The following RICTOR variants were observed in gnomAD, a reference collection of about 807,000 sequenced individuals.
RICTOR encodes the protein rapamycin-insensitive companion of mTOR.
In RICTOR, 49 loss-of-function variants were observed where a neutral mutation model predicts 214.9. The observed-to-expected ratio is 0.23, with a 90% CI of 0.18 to 0.29. The LOEUF is 0.29. Ranked by LOEUF, RICTOR falls within the 10% of genes least tolerant of loss-of-function variation. RICTOR has a pLI of 1.00. For missense variants in RICTOR, 1,625 were observed against 2,047.0 expected (o/e 0.79, Z 3.98); for synonymous variants, 717 against 711.3 (o/e 1.01, Z -0.13).
At chr5:39,011,317 G>A (rs990319318) in intron 3 of RICTOR, among the ~76,000 whole-genome samples, 6 of 152,170 alleles carry the variant, frequency 3.9e-5, no homozygotes, top group Admixed American at 1.3e-4. Context: ...GATTTCAGAC[G>A]GTGTATGAAA....
chr5:38,990,765 G>GATATATGAT (rs1284786915), intron 7 of RICTOR, among the ~76,000 whole-genome samples, 184 bp downstream of exon 7: 2 of 18,472 alleles, frequency 1.1e-4, no homozygotes, highest in South Asian at 1.7e-3. Context: ...ATATATATGA[G>GATATATGAT]ATATATGATA....
chr5:39,043,630 G>A (rs1757309963), intron 2 of RICTOR, among the ~76,000 whole-genome samples: 1 of 152,170 alleles, frequency 6.6e-6, no homozygotes, highest in Admixed American at 6.5e-5. Flanking sequence ...TCACCACAAA[G>A]AAATGATAAA....
chr5:39,071,861 G>A (rs1759350672), intron 2 of RICTOR, among the ~76,000 whole-genome samples: 1 of 152,130 alleles, frequency 6.6e-6, no homozygotes, highest in African/African-American at 2.4e-5. Flanking sequence ...AAAATTTTTG[G>A]TTGCCCAAAC....
intron 2 of RICTOR, among the ~76,000 whole-genome samples, chr5:39,023,818 CAAAGCACTAAGTACACTACTT>C (rs1755611654): frequency 6.6e-6 from 1 of 152,176 alleles, no homozygotes; most frequent in Non-Finnish European, 1.5e-5. Context: ...AATGTGGTGT[CAAAGCACTAAGTACACTACTT>C]AGCTATTTCC....
At position 38,983,154 on chromosome 5, in the gene RICTOR, T is replaced by C. The variant is rs75414260; in HGVS notation, c.584-1118A>G. Among the ~76,000 whole-genome samples, 14 of 152,358 alleles carry C rather than the reference T, an allele frequency of 9.2e-5. No homozygotes were observed. The East Asian group carries it at 2.1e-3, about 23-fold the overall frequency. Reference sequence around the variant, plus strand: ...GCCACTGTTCTCATTTCTACCCTTATAGATTAGTTGTGTCTTCTTAAGAAC... The same window carrying C: ...GCCACTGTTCTCATTTCTACCCTTACAGATTAGTTGTGTCTTCTTAAGAAC... On this transcript the variant is annotated intron_variant, in intron 7 of 37. Transcript: ENST00000357387.
At chr5:39,041,771 T>C (rs984438090) in intron 2 of RICTOR, among the ~76,000 whole-genome samples, 2 of 151,988 alleles carry the variant, frequency 1.3e-5, no homozygotes, top group African/African-American at 4.8e-5. Context: ...TACAATGTTA[T>C]AAGTTAATTG....
intron 2 of RICTOR, among the ~76,000 whole-genome samples, chr5:39,066,794 T>C (rs1417823737): frequency 6.6e-6 from 1 of 152,358 alleles, no homozygotes; most frequent in Non-Finnish European, 1.5e-5. Context: ...ATGAACAGAA[T>C]GCAACCAAGT....
Position 38,967,155 on chromosome 5 carries a change from T to G in RICTOR, c.1218+6A>C, listed in dbSNP as rs867241921. On this transcript the variant is annotated splice_donor_region_variant and intron_variant, in intron 14 of 37. Transcript: ENST00000357387. ...AATGGAATAAAATAAGGTTTATAAG[T>G]CTTACCTCTAAAAGTCCATTACGAA... is the stretch of plus-strand genomic sequence containing the variant. 1 of 1,580,400 alleles carries G rather than the reference T, an allele frequency of 6.3e-7. No individual in the cohort carries two copies. The highest frequency in any genetic ancestry group is 1.3e-5 in the African/African-American group (1 of 74,314).
chr5:38,944,775 T>A, intron 35 of RICTOR, 138 bp downstream of exon 35: 1 of 896,778 alleles, frequency 1.1e-6, no homozygotes, highest in Non-Finnish European at 1.8e-6. Flanking sequence ...TAATTAACAG[T>A]GTTAAATTGC....
chr5:39,006,416 G>A (rs1454814359), intron 3 of RICTOR, among the ~76,000 whole-genome samples: 5 of 151,896 alleles, frequency 3.3e-5, no homozygotes, highest in East Asian at 1.9e-4. Context: ...GATTTATTGC[G>A]GCTAACTGAA....
At chr5:39,023,478 T>C (rs1329815690) in intron 2 of RICTOR, among the ~76,000 whole-genome samples, 3 of 152,210 alleles carry the variant, frequency 2.0e-5, no homozygotes, top group Non-Finnish European at 4.4e-5. Flanking sequence ...GGGCCAGATA[T>C]GGCCTTATAG....
In RICTOR at chr5:39,004,475, T is replaced by C. The variant is rs529832174; in HGVS notation, c.196-853A>G. Among the ~76,000 whole-genome samples the C allele has an allele frequency of 5.9e-5, 9 of 151,962 alleles. No individual in the cohort carries two copies. In the South Asian group the frequency reaches 1.7e-3, roughly 28 times the overall value. The stretch of plus-strand genomic sequence containing the variant: ...TTATTTCTCAAACTCTTTTTTTTTT[T>C]TTGAGACGGAGTCTCACTCTGTCAC... On this transcript the variant is annotated intron_variant, in intron 3 of 37. Coordinates refer to ENST00000357387, the MANE Select transcript of RICTOR (RefSeq NM_152756.5).
chr5:38,938,978 A>G lies in RICTOR; in HGVS notation c.*3326T>C, dbSNP rs1021461814. ...GAGACAAAAGTGGAAGCATAAGACT[A>G]AAGGAGAAAAAACCTTACTTCCAAA... On this transcript the variant is annotated 3_prime_UTR_variant, in exon 38 of 38. Coordinates refer to ENST00000357387, the MANE Select transcript of RICTOR (RefSeq NM_152756.5). The G allele has an allele frequency of 8.6e-6, 2 of 232,970 alleles. No homozygotes were observed. The highest frequency in any genetic ancestry group is 4.4e-5 in the African/African-American group (2 of 45,332). 14.4% of individuals were successfully genotyped at this position (232,970 alleles called of 1,614,324 possible).
intron 2 of RICTOR, among the ~76,000 whole-genome samples, chr5:39,057,872 A>T (rs1013429936): frequency 6.6e-6 from 1 of 152,158 alleles, no homozygotes; most frequent in South Asian, 2.1e-4. Flanking sequence ...AAAATAAATT[A>T]ATACTCATAG....
At chr5:39,021,942 C>T (rs534584407) in intron 2 of RICTOR, among the ~76,000 whole-genome samples, 1 of 152,240 alleles carries the variant, frequency 6.6e-6, no homozygotes, top group Non-Finnish European at 1.5e-5. Context: ...TATAGATGGT[C>T]TGTGACTTAG....
chr5:38,985,843 A>G lies in RICTOR; in HGVS notation c.584-3807T>C, dbSNP rs910777561. ...CCCGAGTAGCTGGGATTACAGGCGC[A>G]TGCCACCATGCCTGGCTAATTTTTG... On this transcript the variant is annotated intron_variant, in intron 7 of 37. Transcript: ENST00000357387. Among the ~76,000 whole-genome samples, 15 of 151,986 alleles carry G rather than the reference A, an allele frequency of 9.9e-5. No individual in the cohort carries two copies. In the East Asian group the frequency reaches 1.9e-3, roughly 20 times the overall value.
intron 2 of RICTOR, among the ~76,000 whole-genome samples, chr5:39,061,539 G>A (rs903362632): frequency 2.6e-5 from 4 of 151,092 alleles, no homozygotes; most frequent in Non-Finnish European, 4.4e-5. Context: ...ATACCTTTCC[G>A]AAATTCATAC....
rs77662507 is a variant in RICTOR, at chr5:39,059,966, G to T, written c.97+14145C>A. ...AGAGCCCTTAACTTCTCAAAGGCAGGATCAAGATTCAAATCTAGATCTGTC... is the reference window on the plus strand; with the variant it reads ...AGAGCCCTTAACTTCTCAAAGGCAGTATCAAGATTCAAATCTAGATCTGTC... On this transcript the variant is annotated intron_variant, in intron 2 of 37. Transcript: ENST00000357387. Among the ~76,000 whole-genome samples the T allele has an allele frequency of 4.2e-3, 632 of 152,138 alleles. 3 individuals carry two copies. Among genetic ancestry groups the T allele is most frequent in the African/African-American group, 0.014 (576 of 41,518 alleles).
intron 2 of RICTOR, among the ~76,000 whole-genome samples, chr5:39,041,274 C>G (rs1580171844): frequency 6.6e-6 from 1 of 152,064 alleles, no homozygotes; most frequent in African/African-American, 2.4e-5. Flanking sequence ...GTACTTTTCT[C>G]AATGAACTCA....
Sources: allele counts gnomAD v4.1 joint callset (sites outside exome capture counted in the v4.1 genomes callset), GRCh38; gene constraint gnomAD v4.1.1; transcripts MANE v1.5; gene names NCBI Gene and HGNC (gene_info 2026-07-23, HGNC 2026-07-21).